ITPKB: variants seen among roughly 807,000 people sequenced by gnomAD.
ITPKB encodes IP3 3-kinase B.
In ITPKB, 13 loss-of-function variants were observed where a neutral mutation model predicts 69.4. That is an observed-to-expected ratio of 0.19 (90% CI 0.12 to 0.30). The LOEUF (loss-of-function observed/expected upper bound fraction) is 0.30, where lower values mean the gene tolerates loss of function less well. Among genes scored for constraint, ITPKB ranks in the 10% least tolerant of loss-of-function variants. The probability of loss-of-function intolerance (pLI) is 1.00; values close to 1 mark genes in which losing one functional copy is unlikely to be tolerated. For missense variants in ITPKB, 1,240 were observed against 1,250.5 expected (o/e 0.99, Z 0.13); for synonymous variants, 584 against 513.7 (o/e 1.14, Z -1.85).
intron 2 of ITPKB, among the ~76,000 whole-genome samples, chr1:226,723,133 T>A (rs1229387827): frequency 6.6e-6 from 1 of 152,158 alleles, no homozygotes; most frequent in Admixed American, 6.5e-5. Context: ...CTCCTGGGAC[T>A]TGGAAGTGAG....
At chr1:226,700,590 C>T (rs1656614677) in intron 2 of ITPKB, among the ~76,000 whole-genome samples, 1 of 151,072 alleles carries the variant, frequency 6.6e-6, no homozygotes, top group Non-Finnish European at 1.5e-5. Context: ...ATGTGAGGCG[C>T]TTTACACACA....
At position 226,736,573 on chromosome 1, in the gene ITPKB, A is replaced by G. The variant is rs1483907427; in HGVS notation, c.886T>C (p.Phe296Leu). The G allele has an allele frequency of 6.2e-7, 1 of 1,613,956 alleles. No individual in the cohort carries two copies. The highest frequency in any genetic ancestry group is 1.1e-5 in the South Asian group (1 of 91,090). Reference sequence around the variant, plus strand: ...GTGGCCATCGTTAAGCTAGCTCCGAACAGCCCCAATGAGGGAGCTAGGCAG... The same window carrying G: ...GTGGCCATCGTTAAGCTAGCTCCGAGCAGCCCCAATGAGGGAGCTAGGCAG... ...RSCLAPSLGL[F>L]GASLTMATEV... The change falls in exon 2 of 8, where the codon TTC becomes CTC. Residue 296 changes from phenylalanine to leucine, a missense_variant. By Grantham distance (22) the Phe-to-Leu change is conservative. Around this residue, in one of 2 missense-constraint regions of ITPKB, gnomAD observed 992 missense variants for 853.8 expected, o/e 1.16. Coordinates refer to ENST00000429204, the MANE Select transcript of ITPKB (RefSeq NM_002221.4).
chr1:226,733,200 A>G (rs938985729), intron 2 of ITPKB, among the ~76,000 whole-genome samples: 1 of 152,310 alleles, frequency 6.6e-6, no homozygotes, highest in Admixed American at 6.5e-5. Flanking sequence ...AAGTGTGAGC[A>G]AGCATGAGAG....
chr1:226,703,562 G>A (rs1000151943), intron 2 of ITPKB, among the ~76,000 whole-genome samples: 6 of 152,274 alleles, frequency 3.9e-5, no homozygotes, highest in Admixed American at 3.3e-4. Context: ...GAAGCCCGCG[G>A]CCGGGGAGGG....
chr1:226,658,266 A>G (rs967566310), intron 2 of ITPKB, among the ~76,000 whole-genome samples: 1 of 152,222 alleles, frequency 6.6e-6, no homozygotes. Flanking sequence ...GGCGGTGGCC[A>G]ACTTTGTTCA....
At chr1:226,649,846 AAAAAAAC>A (rs1213052578) in intron 2 of ITPKB, among the ~76,000 whole-genome samples, 2 of 55,508 alleles carry the variant, frequency 3.6e-5, no homozygotes, top group African/African-American at 2.0e-4. Context: ...AAAACAAAAC[AAAAAAAC>A]AAAAAAAAAA....
chr1:226,667,996 G>A (rs745523267), intron 2 of ITPKB, among the ~76,000 whole-genome samples: 20 of 152,272 alleles, frequency 1.3e-4, no homozygotes, highest in Non-Finnish European at 2.6e-4. Context: ...TCAGCACTAA[G>A]GGCCTGGCAC....
intron 3 of ITPKB, 64 bp downstream of exon 3, chr1:226,648,608 G>A (rs1009938444): frequency 2.7e-5 from 27 of 995,914 alleles, no homozygotes; most frequent in African/African-American, 1.7e-4. Context: ...AGAATGCAGC[G>A]TCCAGGGCAC....
At position 226,642,635 on chromosome 1, in the gene ITPKB, G is replaced by A. The variant is rs939719343; in HGVS notation, c.2247-510C>T. Reference sequence around the variant, plus strand: ...GGAAGACGGAGGCAGGGCAGCAGGGGGTGTCGGGGGTGGCTGGTCCTGATC... The same window carrying A: ...GGAAGACGGAGGCAGGGCAGCAGGGAGTGTCGGGGGTGGCTGGTCCTGATC... On this transcript the variant is annotated intron_variant, in intron 4 of 7. Transcript: ENST00000429204. The surrounding 1 kb of genome is among the most constrained non-coding windows in gnomAD (Gnocchi z 6.4). Among the ~76,000 whole-genome samples, 2 of 152,086 alleles carry A rather than the reference G, an allele frequency of 1.3e-5. No individual in the cohort carries two copies. Among genetic ancestry groups the A allele is most frequent in the African/African-American group, 4.8e-5 (2 of 41,416 alleles).
At position 226,736,220 on chromosome 1, in the gene ITPKB, C is replaced by T. The variant is rs1374816200; in HGVS notation, c.1239G>A (p.Arg413=). 2 of 1,538,068 alleles carry T rather than the reference C, an allele frequency of 1.3e-6. No individual in the cohort carries two copies. Among genetic ancestry groups the T allele is most frequent in the Non-Finnish European group, 8.7e-7 (1 of 1,145,200 alleles). ...CTACGGAGGCCAGGGCCCTGGGCAG[C>T]CTGGACCAGCTCAGGGAATCAGAGG... The part of the protein sequence containing the change: ...AESSDSLSWS[R]LPRALASVGP... The change falls in exon 2 of 8, where the codon AGG becomes AGA. Residue 413 remains arginine, a synonymous_variant. Transcript: ENST00000429204.
At chr1:226,731,410 T>C (rs539600820) in intron 2 of ITPKB, among the ~76,000 whole-genome samples, 5 of 152,344 alleles carry the variant, frequency 3.3e-5, no homozygotes, top group South Asian at 2.1e-4. Context: ...GATCAATCAA[T>C]TGGTCTCAAG....
intron 2 of ITPKB, among the ~76,000 whole-genome samples, chr1:226,723,773 G>A (rs1188174292): frequency 2.0e-5 from 3 of 152,086 alleles, no homozygotes; most frequent in African/African-American, 4.8e-5. Context: ...AGAATAAAAA[G>A]AGGCTGGTCC....
intron 7 of ITPKB, 125 bp from the exon 8 acceptor site, chr1:226,635,011 C>T (rs2102735848): frequency 1.5e-6 from 1 of 671,850 alleles, no homozygotes; most frequent in Non-Finnish European, 2.5e-6. Context: ...GCCTGCAATT[C>T]CAATCCCCAT....
chr1:226,637,593 G>A lies in ITPKB; in HGVS notation c.2625+86C>T, dbSNP rs761575398. 4.0e-4 allele frequency: 435 copies of A among 1,080,448 alleles called. 2 individuals carry two copies. The highest frequency in any genetic ancestry group is 2.0e-4 in the Middle Eastern group (1 of 4,970). The allele number at this position is 1,080,448 out of a possible 1,614,324, so 66.9% of individuals were successfully genotyped here. Reference sequence around the variant, plus strand: ...TGGCTGCACCACCCTGAAAATGCCCGATGCCCCGGGCTTCTGGAAGGAGAA... The same window carrying A: ...TGGCTGCACCACCCTGAAAATGCCCAATGCCCCGGGCTTCTGGAAGGAGAA... On this transcript the variant is annotated intron_variant, in intron 7 of 7. Transcript: ENST00000429204. The surrounding 1 kb of genome is among the most constrained non-coding windows in gnomAD (Gnocchi z 4.3).
intron 2 of ITPKB, among the ~76,000 whole-genome samples, chr1:226,694,499 T>C (rs1656430985): frequency 1.3e-5 from 2 of 152,240 alleles, no homozygotes; most frequent in Admixed American, 6.5e-5. Context: ...ACTGATGAAC[T>C]GGGTACCCAC....
At chr1:226,716,657 T>A (rs1344441230) in intron 2 of ITPKB, among the ~76,000 whole-genome samples, 2 of 152,140 alleles carry the variant, frequency 1.3e-5, no homozygotes, top group African/African-American at 4.8e-5. Flanking sequence ...CAAACCTAGG[T>A]TTTCAAAACG....
intron 2 of ITPKB, among the ~76,000 whole-genome samples, chr1:226,704,676 C>T (rs3754409): frequency 0.011 from 1,606 of 152,342 alleles, 66 homozygotes; most frequent in South Asian, 0.067. Context: ...GCCAACTTTA[C>T]AGCCAAGCTT....
chr1:226,644,226 G>A (rs1205108130), intron 4 of ITPKB, among the ~76,000 whole-genome samples: 4 of 152,234 alleles, frequency 2.6e-5, no homozygotes, highest in Non-Finnish European at 5.9e-5. Context: ...CACAGGGGGT[G>A]CCAGCTGGAT....
At chr1:226,718,269 G>C (rs538011411) in intron 2 of ITPKB, among the ~76,000 whole-genome samples, 113 of 141,524 alleles carry the variant, frequency 8.0e-4, no homozygotes, top group African/African-American at 3.0e-3. Context: ...ACTCCAGCCT[G>C]AGCGACAGAG....
Sources: gnomAD v4.1 joint callset for allele counts (sites outside exome capture counted in the v4.1 genomes callset) on GRCh38, gnomAD v4.1.1 for gene constraint, gnomAD v4.1.1 regional missense constraint, Gnocchi (gnomAD v3.1) non-coding constraint, MANE v1.5 for transcripts, NCBI Gene and HGNC (gene_info 2026-07-23, HGNC 2026-07-21) for gene names.